The following SRGAP2C variants were observed in gnomAD, a reference collection of about 807,000 sequenced individuals.
SRGAP2C encodes the protein SLIT-ROBO Rho GTPase-activating protein 2C.
A neutral mutation model predicts 25.1 loss-of-function variants in SRGAP2C; 15 were observed. The ratio of observed to expected loss-of-function variants is 0.60; its 90% CI spans 0.40 to 0.92. The LOEUF (loss-of-function observed/expected upper bound fraction) is 0.92. Ranked by LOEUF, SRGAP2C falls within the 40% of genes least tolerant of loss-of-function variation. The pLI, the probability that SRGAP2C is intolerant of heterozygous loss-of-function variation, is 0.00. For missense variants in SRGAP2C, 144 were observed against 264.4 expected (o/e 0.54, Z 3.16); for synonymous variants, 44 against 96.6 (o/e 0.46, Z 3.19).
intron 2 of SRGAP2C, among the ~76,000 whole-genome samples, chr1:121,270,100 C>T (rs1656905129): frequency 1.4e-5 from 2 of 141,338 alleles, no homozygotes; most frequent in African/African-American, 2.6e-5. Flanking sequence ...GATTGATCTA[C>T]TGGGTGCAAG....
At chr1:121,286,155 C>T (rs1320179453) in intron 3 of SRGAP2C, among the ~76,000 whole-genome samples, 12 of 151,290 alleles carry the variant, frequency 7.9e-5, no homozygotes, top group Admixed American at 2.0e-4. Context: ...CCATTGTGAT[C>T]GGAGTTAATC....
intron 4 of SRGAP2C, among the ~76,000 whole-genome samples, chr1:121,347,700 T>C (rs1402252572): frequency 6.6e-6 from 1 of 152,210 alleles, no homozygotes; most frequent in Non-Finnish European, 1.5e-5. Flanking sequence ...ATTAAATTAG[T>C]GTCAAGGGCT....
At chr1:121,299,827 G>A (rs1657664026) in intron 3 of SRGAP2C, among the ~76,000 whole-genome samples, 1 of 146,140 alleles carries the variant, frequency 6.8e-6, no homozygotes, top group Non-Finnish European at 1.5e-5. Flanking sequence ...AGCATCTCAG[G>A]GATTTAGCAA....
At chr1:121,310,772 C>T (rs1405398810) in intron 3 of SRGAP2C, among the ~76,000 whole-genome samples, 1 of 86,328 alleles carries the variant, frequency 1.2e-5, no homozygotes, top group African/African-American at 4.0e-5. Context: ...CTGTTCTGTT[C>T]CATTGATCTA....
At chr1:121,230,938 G>A (rs1655801780) in intron 2 of SRGAP2C, among the ~76,000 whole-genome samples, 1 of 145,804 alleles carries the variant, frequency 6.9e-6, no homozygotes, top group Non-Finnish European at 1.5e-5. Context: ...CACAGGAACA[G>A]AAAACCAAAC....
intron 7 of SRGAP2C, among the ~76,000 whole-genome samples, chr1:121,377,830 CA>C (rs1358566212): frequency 7.8e-6 from 1 of 127,972 alleles, no homozygotes; most frequent in South Asian, 2.8e-4. Flanking sequence ...CCTGTGTTTT[CA>C]GATGACTAGA....
chr1:121,206,429 G>A (rs1338378104), intron 2 of SRGAP2C, among the ~76,000 whole-genome samples: 1 of 152,230 alleles, frequency 6.6e-6, no homozygotes, highest in African/African-American at 2.4e-5. Flanking sequence ...TGACCTTGAA[G>A]ATCAGCCAGA....
At chr1:121,207,972 T>C (rs1287827783) in intron 2 of SRGAP2C, among the ~76,000 whole-genome samples, 3 of 151,940 alleles carry the variant, frequency 2.0e-5, no homozygotes, top group Non-Finnish European at 4.4e-5. Flanking sequence ...GTACCAGTGG[T>C]AGCTCTGACC....
In SRGAP2C at chr1:121,310,896, G is replaced by A. The variant is rs1430826774; in HGVS notation, c.261-13582G>A. Among the ~76,000 whole-genome samples the A allele has an allele frequency of 2.5e-4, 16 of 63,658 alleles. 3 individuals carry two copies. Among genetic ancestry groups the A allele is most frequent in the Non-Finnish European group, 5.2e-4 (16 of 30,954 alleles). 41.8% of individuals were successfully genotyped at this position (63,658 alleles called of 152,430 possible). On this transcript the variant is annotated intron_variant, in intron 3 of 9. Coordinates refer to ENST00000367123, the MANE Select transcript of SRGAP2C (RefSeq NM_001329984.2). ...TGTTCTTTTGGCTTAGGATTGACTT[G>A]GCGATGCGGGCTCTTTTTTGGTTCC...
chr1:121,270,648 C>A, intron 2 of SRGAP2C, among the ~76,000 whole-genome samples: 1 of 134,872 alleles, frequency 7.4e-6, no homozygotes, highest in East Asian at 2.1e-4. Context: ...TTCTCATGTA[C>A]CCATCATGCT....
At chr1:121,307,422 G>T (rs1157159102) in intron 3 of SRGAP2C, among the ~76,000 whole-genome samples, 5 of 145,144 alleles carry the variant, frequency 3.4e-5, no homozygotes, top group Non-Finnish European at 6.1e-5. Context: ...AAATTTTTTG[G>T]TGTGCATAAA....
At chr1:121,343,061 A>T (rs1658666742) in intron 4 of SRGAP2C, among the ~76,000 whole-genome samples, 1 of 151,526 alleles carries the variant, frequency 6.6e-6, no homozygotes, top group Non-Finnish European at 1.5e-5. Context: ...ATCTTGCTTA[A>T]TAACTGTTCA....
In SRGAP2C at chr1:121,389,130, AATT is replaced by A. The variant is rs1660012740; in HGVS notation, c.*1278_*1280del. ...TATTGTTTTACAATCTAAGTCATAT[AATT>A]ATAATATTCTTTAAGCATATTTATG... On this transcript the variant is annotated 3_prime_UTR_variant, in exon 10 of 10. Transcript: ENST00000367123. 1 of 152,132 alleles carries A rather than the reference AATT, an allele frequency of 6.6e-6. No homozygotes were observed. The highest frequency in any genetic ancestry group is 1.9e-4 in the East Asian group (1 of 5,200). The allele number at this position is 152,132 out of a possible 1,614,324, so 9.4% of individuals were successfully genotyped here. A position where few individuals can be genotyped will look rare whatever the true frequency, so the allele number is the denominator to read the frequency against.
rs1462091545 is a variant in SRGAP2C, at chr1:121,367,093, G to A, written c.486+1738G>A. ...GGCCAACTACTTTACTGGCCATTGT[G>A]AGGCCATGGTCAACATACAGCATAA... On this transcript the variant is annotated intron_variant, in intron 5 of 9. Transcript: ENST00000367123. Among the ~76,000 whole-genome samples the A allele has an allele frequency of 2.0e-5, 3 of 151,844 alleles. No homozygotes were observed. In the East Asian group the frequency reaches 5.8e-4, roughly 29 times the overall value.
intron 2 of SRGAP2C, among the ~76,000 whole-genome samples, chr1:121,212,393 G>T (rs1283942343): frequency 6.6e-6 from 1 of 152,072 alleles, no homozygotes; most frequent in Non-Finnish European, 1.5e-5. Flanking sequence ...GCCTCTCAGA[G>T]TGCTGGGATT....
chr1:121,226,043 T>C (rs1655657971), intron 2 of SRGAP2C, among the ~76,000 whole-genome samples: 2 of 152,224 alleles, frequency 1.3e-5, no homozygotes, highest in South Asian at 4.2e-4. Flanking sequence ...CATGAGATGG[T>C]ATTTCTTCAA....
chr1:121,346,407 ATGTTTGTTGATT>A (rs2101628473), intron 4 of SRGAP2C, among the ~76,000 whole-genome samples: 1 of 129,760 alleles, frequency 7.7e-6, no homozygotes. Flanking sequence ...CATGGAAGAT[ATGTTTGTTGATT>A]TGAGGGTGGT....
chr1:121,319,755 A>G (rs1460963921), intron 3 of SRGAP2C, among the ~76,000 whole-genome samples: 1 of 114,642 alleles, frequency 8.7e-6, no homozygotes, highest in Non-Finnish European at 1.8e-5. Context: ...GTACAGTATG[A>G]TGTTTTCTTG....
intron 2 of SRGAP2C, among the ~76,000 whole-genome samples, chr1:121,203,081 C>G (rs1366753404): frequency 1.3e-5 from 2 of 151,864 alleles, no homozygotes; most frequent in Admixed American, 1.3e-4. Context: ...CCAAGATAAC[C>G]CATTAATCTA....
Sources: gnomAD v4.1 joint callset for allele counts (sites outside exome capture counted in the v4.1 genomes callset) on GRCh38, gnomAD v4.1.1 for gene constraint, MANE v1.5 for transcripts, NCBI Gene and HGNC (gene_info 2026-07-23, HGNC 2026-07-21) for gene names.